The following CTIF variants were observed in gnomAD, a reference collection of about 807,000 sequenced individuals.
CTIF encodes the protein cap binding complex dependent translation initiation factor.
In CTIF, 21 loss-of-function variants were observed where a neutral mutation model predicts 66.0. The ratio of observed to expected loss-of-function variants is 0.32; its 90% CI spans 0.23 to 0.46. The LOEUF (loss-of-function observed/expected upper bound fraction) is 0.46. Ranked by LOEUF, CTIF falls within the 20% of genes least tolerant of loss-of-function variation. CTIF has a pLI of 1.00. For synonymous variants in CTIF, 345 were observed against 326.4 expected (o/e 1.06, Z -0.62); for missense variants, 739 against 812.7 (o/e 0.91, Z 1.10).
chr18:48,731,525 C>A (rs2092456788), intron 7 of CTIF, among the ~76,000 whole-genome samples: 1 of 152,180 alleles, frequency 6.6e-6, no homozygotes, highest in Non-Finnish European at 1.5e-5. Context: ...CACATCTCAA[C>A]AATGTCTTCC....
chr18:48,547,891 G>C (rs2088790954), intron 1 of CTIF, among the ~76,000 whole-genome samples: 1 of 152,158 alleles, frequency 6.6e-6, no homozygotes, highest in South Asian at 2.1e-4. Context: ...TCATGAGAGA[G>C]GCAGCAGCAC....
At chr18:48,552,049 G>A (rs983053281) in intron 1 of CTIF, among the ~76,000 whole-genome samples, 14 of 152,096 alleles carry the variant, frequency 9.2e-5, no homozygotes, top group East Asian at 1.9e-4. Flanking sequence ...TGATCCGCCC[G>A]CCTAGGCCTC....
chr18:48,809,381 G>T (rs530566953), intron 9 of CTIF, among the ~76,000 whole-genome samples: 1 of 152,120 alleles, frequency 6.6e-6, no homozygotes, highest in Non-Finnish European at 1.5e-5. Flanking sequence ...GCCTATTGAA[G>T]TAATACATTA....
chr18:48,854,619 TCCC>T (rs1222094450), intron 10 of CTIF, among the ~76,000 whole-genome samples: 1 of 151,894 alleles, frequency 6.6e-6, no homozygotes, highest in Admixed American at 6.6e-5. Context: ...GGCAGAATGG[TCCC>T]CTTAAGACAT....
At chr18:48,702,071 G>A (rs2092091877) in intron 6 of CTIF, among the ~76,000 whole-genome samples, 1 of 152,252 alleles carries the variant, frequency 6.6e-6, no homozygotes, top group Admixed American at 6.5e-5. Flanking sequence ...ACACAAGAGA[G>A]AGGAGAGGGC....
intron 7 of CTIF, among the ~76,000 whole-genome samples, chr18:48,712,201 C>G (rs2092232230): frequency 6.6e-6 from 1 of 152,148 alleles, no homozygotes; most frequent in South Asian, 2.1e-4. Flanking sequence ...AGCAATGGCA[C>G]ATGCTACTGC....
At chr18:48,765,779 C>T (rs369955618) in intron 9 of CTIF, among the ~76,000 whole-genome samples, 10 of 152,112 alleles carry the variant, frequency 6.6e-5, no homozygotes, top group African/African-American at 2.4e-4. Flanking sequence ...CTCAGAGGAC[C>T]CCGTCACCAA....
intron 3 of CTIF, among the ~76,000 whole-genome samples, chr18:48,657,207 G>C (rs966065911): frequency 4.6e-5 from 7 of 152,206 alleles, no homozygotes; most frequent in Non-Finnish European, 1.0e-4. Context: ...CCTTGGGAAA[G>C]AAATATTGCA....
chr18:48,758,549 T>A, intron 8 of CTIF, 144 bp downstream of exon 8: 1 of 1,009,038 alleles, frequency 9.9e-7, no homozygotes, highest in South Asian at 1.6e-5. Flanking sequence ...CTTCGGTCAC[T>A]GTGGGGACCA....
chr18:48,591,818 G>T (rs902743718), intron 1 of CTIF, among the ~76,000 whole-genome samples: 1 of 152,218 alleles, frequency 6.6e-6, no homozygotes, highest in East Asian at 1.9e-4. Context: ...CACAATCATA[G>T]CTCATTGTAG....
At chr18:48,623,595 A>T (rs941939541) in intron 2 of CTIF, among the ~76,000 whole-genome samples, 1 of 151,490 alleles carries the variant, frequency 6.6e-6, no homozygotes, top group East Asian at 1.9e-4. Context: ...GAAAAAAAAA[A>T]ACAGCAAACA....
At chr18:48,551,408 C>T (rs530534836) in intron 1 of CTIF, among the ~76,000 whole-genome samples, 5 of 152,146 alleles carry the variant, frequency 3.3e-5, no homozygotes, top group African/African-American at 4.8e-5. Context: ...TGGCCCTGCT[C>T]ACACCTTGGT....
intron 9 of CTIF, among the ~76,000 whole-genome samples, chr18:48,785,651 C>A (rs1351203201): frequency 6.6e-6 from 1 of 152,204 alleles, no homozygotes; most frequent in East Asian, 1.9e-4. Flanking sequence ...TTAACAGACT[C>A]CCTGGGAGTC....
At chr18:48,637,191 A>G (rs1400666095) in intron 3 of CTIF, among the ~76,000 whole-genome samples, 1 of 152,090 alleles carries the variant, frequency 6.6e-6, no homozygotes, top group South Asian at 2.1e-4. Context: ...CCCCCAGCCA[A>G]CCAACAGTCC....
chr18:48,640,652 G>A (rs2090910989), intron 3 of CTIF, among the ~76,000 whole-genome samples: 1 of 152,252 alleles, frequency 6.6e-6, no homozygotes, highest in South Asian at 2.1e-4. Flanking sequence ...GTCCAGGAAG[G>A]TAGAGTTGGC....
intron 6 of CTIF, among the ~76,000 whole-genome samples, chr18:48,682,368 CA>C (rs1235040709): frequency 1.3e-5 from 2 of 152,200 alleles, no homozygotes; most frequent in Non-Finnish European, 2.9e-5. Flanking sequence ...CCCTGATCAG[CA>C]GCAGTAATAT....
intron 1 of CTIF, among the ~76,000 whole-genome samples, chr18:48,592,675 C>G (rs2089911849): frequency 6.6e-6 from 1 of 152,204 alleles, no homozygotes; most frequent in Non-Finnish European, 1.5e-5. Context: ...CACTGTCATT[C>G]CCATGACACG....
At chr18:48,827,768 G>C (rs1350210286) in intron 10 of CTIF, among the ~76,000 whole-genome samples, 2 of 152,048 alleles carry the variant, frequency 1.3e-5, no homozygotes, top group African/African-American at 4.8e-5. Context: ...CAGCTTAAGC[G>C]ACCATTCCTG....
chr18:48,636,915 G>C (rs537229247), intron 3 of CTIF, among the ~76,000 whole-genome samples: 1 of 152,128 alleles, frequency 6.6e-6, no homozygotes, highest in South Asian at 2.1e-4. Context: ...TAGTAGCTGC[G>C]TTCTATATAT....
Sources: allele counts gnomAD v4.1 joint callset (sites outside exome capture counted in the v4.1 genomes callset), GRCh38; gene constraint gnomAD v4.1.1; transcripts MANE v1.5; gene names NCBI Gene and HGNC (gene_info 2026-07-23, HGNC 2026-07-21).